Variants in OR2C1 observed in about 807,000 individuals in gnomAD.
The protein encoded by OR2C1 is olfactory receptor family 2 subfamily C member 1, also known as olfactory receptor 2C1.
For missense variants in OR2C1, 468 were observed against 388.3 expected, an observed-to-expected ratio of 1.21 and a Z score of -1.73; for synonymous variants, 209 against 167.3, an observed-to-expected ratio of 1.25 and a Z score of -1.92.
At chr16:3,353,191 T>TA (rs113977824), upstream of OR2C1, among the ~76,000 whole-genome samples, 44,416 of 151,590 alleles carry the variant, frequency 0.29, 6,795 homozygotes, top group African/African-American at 0.38. Flanking sequence ...TCTTAAGTCC[T>TA]AGATGAAAAG....
At chr16:3,348,312 G>T in the OR2C1 span, among the ~76,000 whole-genome samples, 13 of 152,126 alleles carry the variant, frequency 8.5e-5, no homozygotes, top group Non-Finnish European at 1.5e-4. Context: ...TTCCATGGAG[G>T]GGTCATAATT....
chr16:3,335,520 C>CTTTTTTTTTTTTTT, the OR2C1 span, among the ~76,000 whole-genome samples: 5 of 55,410 alleles, frequency 9.0e-5, no homozygotes, highest in African/African-American at 1.5e-4. Flanking sequence ...AATGCTACTG[C>CTTTTTTTTTTTTTT]TTTTTTTTTT....
chr16:3,336,906 A>G, the OR2C1 span, among the ~76,000 whole-genome samples: 2 of 148,244 alleles, frequency 1.3e-5, no homozygotes, highest in African/African-American at 5.0e-5. Context: ...CAGGGTTTCT[A>G]TATGTTGGTC....
chr16:3,325,502 T>C, the OR2C1 span, among the ~76,000 whole-genome samples: 56 of 121,584 alleles, frequency 4.6e-4, no homozygotes, highest in African/African-American at 1.6e-3. Flanking sequence ...TATATATATA[T>C]ATACACTTTA....
the OR2C1 span, among the ~76,000 whole-genome samples, chr16:3,329,638 A>T: frequency 2.7e-5 from 4 of 147,650 alleles, no homozygotes; most frequent in Non-Finnish European, 4.5e-5. Flanking sequence ...TTTAGTAGAG[A>T]TGGGGTTTCA....
chr16:3,340,531 T>C, the OR2C1 span, among the ~76,000 whole-genome samples: 6 of 152,334 alleles, frequency 3.9e-5, no homozygotes, highest in Middle Eastern at 6.8e-3. Flanking sequence ...AAATCCAAGG[T>C]CATGAAGATT....
Position 3,356,506 on chromosome 16 carries a change from G to A in OR2C1, c.566G>A (p.Cys189Tyr), listed in dbSNP as rs1485488896. 8 of 1,614,132 alleles carry A rather than the reference G, an allele frequency of 5.0e-6. No individual in the cohort carries two copies. In the East Asian group the frequency reaches 1.3e-4, roughly 27 times the overall value. The change falls in exon 1 of 1, where the codon TGT becomes TAT. Residue 189 changes from cysteine (C) to tyrosine (Y), a missense_variant. By Grantham distance (194) the Cys-to-Tyr change is radical. Transcript: ENST00000304936. ...CEVPAMIKLA[C>Y]GDTSLNQAVL... ...GTGCCTGCCATGATCAAACTGGCCT[G>A]TGGCGACACAAGTCTCAACCAGGCT...
chr16:3,353,049 A>G (rs1022440652), upstream of OR2C1, among the ~76,000 whole-genome samples: 5 of 151,540 alleles, frequency 3.3e-5, no homozygotes, highest in African/African-American at 1.2e-4. Context: ...GGCCCTGTCT[A>G]TTTCTTTGCC....
the OR2C1 span, among the ~76,000 whole-genome samples, chr16:3,342,187 G>T: frequency 2.0e-5 from 3 of 152,120 alleles, no homozygotes. Context: ...GGGGGCAGAA[G>T]TTGCTGTGAG....
At chr16:3,339,668 G>T in the OR2C1 span, among the ~76,000 whole-genome samples, 4 of 152,004 alleles carry the variant, frequency 2.6e-5, no homozygotes, top group African/African-American at 7.3e-5. Flanking sequence ...GCTTTAGCCA[G>T]GATGGTCTCG....
At chr16:3,334,176 TCC>T in the OR2C1 span, among the ~76,000 whole-genome samples, 1 of 150,242 alleles carries the variant, frequency 6.7e-6, no homozygotes, top group Non-Finnish European at 1.5e-5. Context: ...TATCACTCTC[TCC>T]CCAGGCTGAA....
At chr16:3,335,808 A>T in the OR2C1 span, among the ~76,000 whole-genome samples, 1 of 152,114 alleles carries the variant, frequency 6.6e-6, no homozygotes, top group Non-Finnish European at 1.5e-5. Flanking sequence ...AGTTCTAAAA[A>T]TTTTTTTGTG....
chr16:3,351,223 T>TTC (rs1567284946), upstream of OR2C1, among the ~76,000 whole-genome samples: 8 of 7,422 alleles, frequency 1.1e-3, no homozygotes, highest in Admixed American at 5.0e-3. Context: ...TCTTTTTCTT[T>TTC]TTCTTTTTTT....
upstream of OR2C1, among the ~76,000 whole-genome samples, chr16:3,351,034 CA>C (rs1172796202): frequency 0.063 from 3,145 of 49,572 alleles, 82 homozygotes; most frequent in African/African-American, 0.16. Flanking sequence ...GACCCTGACT[CA>C]AAAAAAAAAA....
At chr16:3,323,753 T>C in the OR2C1 span, 1 of 691,888 alleles carries the variant, frequency 1.4e-6, no homozygotes, top group East Asian at 2.5e-5. Flanking sequence ...CCACCAGGAA[T>C]TATGTAGGAA....
the OR2C1 span, among the ~76,000 whole-genome samples, chr16:3,346,787 G>C: frequency 6.6e-6 from 1 of 150,818 alleles, no homozygotes; most frequent in Non-Finnish European, 1.5e-5. Flanking sequence ...CCGCCACCAC[G>C]CTCGACTAAT....
chr16:3,323,082 C>A, the OR2C1 span: 1 of 502,430 alleles, frequency 2.0e-6, no homozygotes, highest in Non-Finnish European at 3.1e-6. Context: ...GAAGATAAAG[C>A]AGGAAATAGT....
chr16:3,348,277 A>G, the OR2C1 span, among the ~76,000 whole-genome samples: 7 of 152,196 alleles, frequency 4.6e-5, no homozygotes, highest in African/African-American at 1.7e-4. Context: ...ACTTGCAGAG[A>G]CCAATGATGA....
the OR2C1 span, among the ~76,000 whole-genome samples, chr16:3,324,757 A>G: frequency 6.6e-6 from 1 of 151,866 alleles, no homozygotes; most frequent in Admixed American, 6.6e-5. Context: ...TAGCTCCTAC[A>G]CACACACACA....
Sources: allele counts gnomAD v4.1 joint callset (sites outside exome capture counted in the v4.1 genomes callset), GRCh38; gene constraint gnomAD v4.1.1; transcripts MANE v1.5; gene names NCBI Gene and HGNC (gene_info 2026-07-23, HGNC 2026-07-21).